Variants in MAST4 observed in about 807,000 individuals in gnomAD.
MAST4 encodes microtubule-associated serine/threonine-protein kinase 4.
Under a neutral mutation model 162.7 loss-of-function variants are expected in MAST4, and 89 were observed. The ratio of observed to expected loss-of-function variants is 0.55; its 90% confidence interval spans 0.46 to 0.65. The LOEUF (loss-of-function observed/expected upper bound fraction) is 0.65, where lower values mean the gene tolerates loss of function less well. MAST4 is among the 30% of genes least tolerant of loss of function. The pLI, the probability that MAST4 is intolerant of heterozygous loss-of-function variation, is 0.00. For missense variants in MAST4, 3,153 were observed against 3,374.0 expected, an observed-to-expected ratio of 0.93 and a Z score of 1.62; for synonymous variants, 1,479 against 1,361.1, an observed-to-expected ratio of 1.09 and a Z score of -1.91.
intron 3 of MAST4, among the ~76,000 whole-genome samples, chr5:66,813,497 A>G (rs1033152187): frequency 6.6e-6 from 1 of 152,236 alleles, no homozygotes; most frequent in Non-Finnish European, 1.5e-5. Context: ...CCAGCTGTTC[A>G]GTTGCCTTTC....
intron 4 of MAST4, among the ~76,000 whole-genome samples, chr5:67,026,493 G>T (rs529050255): frequency 6.6e-6 from 1 of 152,214 alleles, no homozygotes; most frequent in Non-Finnish European, 1.5e-5. Context: ...CTGGTGAAAT[G>T]TAATTCATGC....
Position 67,100,582 on chromosome 5 carries a change from C to G in MAST4, c.1060C>G (p.Arg354Gly), listed in dbSNP as rs758541205. 5 of 1,613,824 alleles carry G rather than the reference C, an allele frequency of 3.1e-6. No homozygotes were observed. Among genetic ancestry groups the G allele is most frequent in the Non-Finnish European group, 3.4e-6 (4 of 1,179,826 alleles). ...CRNTPMRPRS[R>G]SLSPGRSPAC... ...GAACACGCCGATGCGCCCCCGTTCC[C>G]GAAGTCTGAGGTGTGTGGGCCTGGC... The change falls in exon 8 of 29, where the codon CGA (arginine) becomes GGA (glycine). Residue 354 changes from arginine to glycine, a missense_variant. This residue lies in a region of MAST4 where 360 missense variants were observed against 450.0 expected (regional missense o/e 0.80). Coordinates refer to ENST00000403625, the MANE Select transcript of MAST4 (RefSeq NM_001164664.2).
intron 1 of MAST4, among the ~76,000 whole-genome samples, chr5:66,642,428 A>T (rs1745545805): frequency 6.6e-6 from 1 of 152,244 alleles, no homozygotes. Context: ...ATCTTCAGAC[A>T]ATTAGGAAAA....
Position 67,165,704 on chromosome 5 carries a change from C to A in MAST4, c.6525C>A (p.Ser2175Arg), listed in dbSNP as rs1773834000. ...AKPSTAEPSS[S>R]PQDPPKPVAA... ...CCAGCACTGCAGAGCCCAGCTCGAG[C>A]CCCCAGGACCCTCCCAAGCCTGTTG... Residue 2175 changes from serine (S) to arginine (R), a missense_variant, in exon 29 of 29, where the codon AGC (serine) becomes AGA (arginine). By Grantham distance (110) the Ser-to-Arg change is moderately radical (BLOSUM62 -1). This residue lies in a region of MAST4 where 1,644 missense variants were observed against 1,495.0 expected (regional missense o/e 1.10). Coordinates refer to ENST00000403625, the MANE Select transcript of MAST4 (RefSeq NM_001164664.2). 6.3e-7 allele frequency: 1 copy of A among 1,577,578 alleles called. No individual in the cohort carries two copies. The highest frequency in any genetic ancestry group is 8.6e-7 in the Non-Finnish European group (1 of 1,162,762).
intron 1 of MAST4, among the ~76,000 whole-genome samples, chr5:66,710,014 A>G (rs1171593319): frequency 1.3e-5 from 2 of 152,192 alleles, no homozygotes; most frequent in Non-Finnish European, 2.9e-5. Context: ...TTTCACAGTA[A>G]AAGGAGAGAG....
chr5:66,833,067 C>G (rs183332853), intron 3 of MAST4, among the ~76,000 whole-genome samples: 3 of 152,226 alleles, frequency 2.0e-5, no homozygotes, highest in Admixed American at 2.0e-4. Context: ...GGCATGTCCT[C>G]AAAATCTTGT....
At chr5:66,895,199 G>C (rs929473511) in intron 3 of MAST4, among the ~76,000 whole-genome samples, 18 of 152,126 alleles carry the variant, frequency 1.2e-4, no homozygotes, top group African/African-American at 4.3e-4. Context: ...TTCAATTTCT[G>C]TTGCTTTCAA....
chr5:67,111,272 A>G (rs762317144), intron 11 of MAST4, among the ~76,000 whole-genome samples: 1 of 152,220 alleles, frequency 6.6e-6, no homozygotes, highest in Non-Finnish European at 1.5e-5. Flanking sequence ...AAATACACAC[A>G]TACATACATA....
chr5:66,896,838 A>G (rs993002393), intron 3 of MAST4, among the ~76,000 whole-genome samples: 1 of 152,204 alleles, frequency 6.6e-6, no homozygotes, highest in Non-Finnish European at 1.5e-5. Context: ...CAGACTCTCC[A>G]TGAGTTTTCT....
At chr5:66,779,471 C>T (rs1454697697) in intron 2 of MAST4, among the ~76,000 whole-genome samples, 1 of 149,030 alleles carries the variant, frequency 6.7e-6, no homozygotes, top group East Asian at 2.0e-4. Flanking sequence ...ACTTTCTGGT[C>T]ACAGGTCTGT....
At chr5:66,901,680 A>G (rs1439271283) in intron 4 of MAST4, among the ~76,000 whole-genome samples, 2 of 152,154 alleles carry the variant, frequency 1.3e-5, no homozygotes, top group Non-Finnish European at 2.9e-5. Context: ...CTGTATATGT[A>G]TATGTGAACA....
Position 66,664,108 on chromosome 5 carries a change from TGTGGA to T in MAST4, c.363+67091_363+67095del, listed in dbSNP as rs1460482204. On this transcript the variant is annotated intron_variant, in intron 1 of 28. Coordinates refer to ENST00000403625, the MANE Select transcript of MAST4 (RefSeq NM_001164664.2). Reference sequence around the variant, plus strand: ...AGAATAGAATTGGCATTTACTGAGCTGTGGAAGATTGCTAGAAGAGAAGGTGCTGA... The same window carrying T: ...AGAATAGAATTGGCATTTACTGAGCTAGATTGCTAGAAGAGAAGGTGCTGA... 7.9e-5 allele frequency among the ~76,000 whole-genome samples: 12 copies of T among 152,156 alleles called. No homozygotes were observed. The East Asian group carries it at 2.1e-3, about 27-fold the overall frequency.
At chr5:67,102,365 G>A (rs1765123394) in intron 8 of MAST4, 171 bp from the exon 9 acceptor site, 1 of 679,660 alleles carries the variant, frequency 1.5e-6, no homozygotes, top group African/African-American at 1.8e-5. Context: ...GTGTTTATGG[G>A]AATGTATGTG....
intron 1 of MAST4, among the ~76,000 whole-genome samples, chr5:66,693,590 G>A (rs1428991485): frequency 1.3e-5 from 2 of 152,106 alleles, no homozygotes; most frequent in African/African-American, 4.8e-5. Flanking sequence ...ACAAAACACA[G>A]TGCTAGATGC....
Position 66,596,487 on chromosome 5 carries a change from C to A in MAST4, c.-169C>A, listed in dbSNP as rs1236813147. The stretch of plus-strand genomic sequence containing the variant: ...GCCCGGGCGGCTGTGAACTTAGCAG[C>A]GGGCTCCTGCGGCCCCGTCACTGCC... On this transcript the variant is annotated 5_prime_UTR_variant, in exon 1 of 29. Coordinates refer to ENST00000403625, the MANE Select transcript of MAST4 (RefSeq NM_001164664.2). 6 of 802,686 alleles carry A rather than the reference C, an allele frequency of 7.5e-6. No individual in the cohort carries two copies. Among genetic ancestry groups the A allele is most frequent in the African/African-American group, 7.2e-5 (4 of 55,790 alleles). 49.7% of individuals were successfully genotyped at this position (802,686 alleles called of 1,614,324 possible).
intron 4 of MAST4, among the ~76,000 whole-genome samples, chr5:66,996,446 G>GTTT (rs111637792): frequency 0.017 from 2,600 of 151,870 alleles, 86 homozygotes; most frequent in African/African-American, 0.06. Flanking sequence ...AAATATCATT[G>GTTT]TTTTAGTTTC....
At chr5:66,943,637 A>T (rs1010359424) in intron 4 of MAST4, among the ~76,000 whole-genome samples, 1 of 152,106 alleles carries the variant, frequency 6.6e-6, no homozygotes, top group Non-Finnish European at 1.5e-5. Context: ...TTTAAGCAAG[A>T]ATTATTACTA....
At chr5:66,700,800 T>TATAC (rs1491558191) in intron 1 of MAST4, among the ~76,000 whole-genome samples, 3 of 91,138 alleles carry the variant, frequency 3.3e-5, no homozygotes, top group Non-Finnish European at 6.8e-5. Context: ...TATATATATA[T>TATAC]ACACACACAC....
intron 4 of MAST4, among the ~76,000 whole-genome samples, chr5:66,966,344 T>C (rs1226301370): frequency 6.6e-6 from 1 of 152,248 alleles, no homozygotes; most frequent in Non-Finnish European, 1.5e-5. Flanking sequence ...AAAAAATGCT[T>C]ATTAAAGAAT....
Sources: allele counts gnomAD v4.1 joint callset (sites outside exome capture counted in the v4.1 genomes callset), GRCh38; gene constraint gnomAD v4.1.1; regional missense constraint gnomAD v4.1.1; transcripts MANE v1.5; gene names NCBI Gene and HGNC (gene_info 2026-07-23, HGNC 2026-07-21).